RGS6: variants seen among roughly 807,000 people sequenced by gnomAD.
RGS6 encodes the protein regulator of G protein signaling 6.
Under a neutral mutation model 78.5 loss-of-function variants are expected in RGS6, and 30 were observed. The ratio of observed to expected loss-of-function variants is 0.38; its 90% CI spans 0.29 to 0.52. The LOEUF is 0.52. RGS6 is among the 20% of genes least tolerant of loss of function. RGS6 has a pLI of 0.85. For missense variants in RGS6, 495 were observed against 609.7 expected, an observed-to-expected ratio of 0.81 and a Z score of 1.98; for synonymous variants, 206 against 206.0, an observed-to-expected ratio of 1.00 and a Z score of 0.00.
At chr14:72,252,721 T>TG (rs1456380288) in intron 2 of RGS6, among the ~76,000 whole-genome samples, 1 of 152,116 alleles carries the variant, frequency 6.6e-6, no homozygotes, top group Non-Finnish European at 1.5e-5. Flanking sequence ...ATAGTCATGA[T>TG]GGGGGGAGGG....
intron 4 of RGS6, among the ~76,000 whole-genome samples, chr14:72,457,972 T>C (rs1404370931): frequency 6.6e-6 from 1 of 152,222 alleles, no homozygotes; most frequent in African/African-American, 2.4e-5. Context: ...ATACAGGTTC[T>C]TCTATGCCAG....
chr14:71,908,346 G>A, the RGS6 span: 8 of 152,240 alleles, frequency 5.3e-5, no homozygotes, highest in African/African-American at 1.7e-4. Context: ...TCAGAATGCC[G>A]TCTAGCGAGA....
intron 14 of RGS6, among the ~76,000 whole-genome samples, chr14:72,515,246 C>T (rs758976120): frequency 6.6e-6 from 1 of 151,698 alleles, no homozygotes; most frequent in Non-Finnish European, 1.5e-5. Flanking sequence ...CCCCTCCTTC[C>T]CTCCCTTTCT....
chr14:72,411,019 T>C (rs2153052878), intron 3 of RGS6, among the ~76,000 whole-genome samples: 1 of 152,344 alleles, frequency 6.6e-6, no homozygotes, highest in African/African-American at 2.4e-5. Flanking sequence ...TCCAGCTTTG[T>C]TCTTTTGGCT....
the RGS6 span, among the ~76,000 whole-genome samples, chr14:71,923,394 A>G: frequency 6.6e-6 from 1 of 152,154 alleles, no homozygotes; most frequent in Non-Finnish European, 1.5e-5. Flanking sequence ...CAGAAGTATG[A>G]TAGTTATCAA....
At chr14:72,031,231 G>A (rs1220775592) in intron 2 of RGS6, among the ~76,000 whole-genome samples, 1 of 151,990 alleles carries the variant, frequency 6.6e-6, no homozygotes, top group Non-Finnish European at 1.5e-5. Flanking sequence ...TTAAGGAATG[G>A]TATTTTACCC....
At chr14:72,396,141 T>C (rs1200647627) in intron 3 of RGS6, among the ~76,000 whole-genome samples, 2 of 152,212 alleles carry the variant, frequency 1.3e-5, no homozygotes, top group Non-Finnish European at 2.9e-5. Context: ...TAGTTTACAG[T>C]CCCACCAACA....
At chr14:71,868,648 T>C in the RGS6 span, among the ~76,000 whole-genome samples, 1 of 152,214 alleles carries the variant, frequency 6.6e-6, no homozygotes, top group Non-Finnish European at 1.5e-5. Flanking sequence ...TAAATACCTT[T>C]AGTGAACCAC....
chr14:72,271,442 C>T (rs757719573), intron 2 of RGS6, among the ~76,000 whole-genome samples: 29 of 152,188 alleles, frequency 1.9e-4, no homozygotes, highest in African/African-American at 5.3e-4. Context: ...AGTCCCTCCA[C>T]GACACATGGG....
intron 3 of RGS6, among the ~76,000 whole-genome samples, chr14:72,363,165 T>G (rs1242027505): frequency 6.6e-6 from 1 of 152,180 alleles, no homozygotes; most frequent in Non-Finnish European, 1.5e-5. Flanking sequence ...GTGGGGCTGC[T>G]TTTATCTCAA....
chr14:71,933,628 T>G (rs1183369626), intron 1 of RGS6, among the ~76,000 whole-genome samples: 1 of 152,222 alleles, frequency 6.6e-6, no homozygotes, highest in Non-Finnish European at 1.5e-5. Context: ...CTGCTGTATT[T>G]CATTTTTGTT....
chr14:72,364,905 G>A (rs928005378), intron 3 of RGS6, among the ~76,000 whole-genome samples: 4 of 152,220 alleles, frequency 2.6e-5, no homozygotes, highest in Non-Finnish European at 5.9e-5. Context: ...CTGGGAAGCT[G>A]CTTGTCACCA....
At chr14:72,361,850 T>C (rs2152794412) in intron 3 of RGS6, among the ~76,000 whole-genome samples, 1 of 151,888 alleles carries the variant, frequency 6.6e-6, no homozygotes, top group South Asian at 2.1e-4. Context: ...AGGGAGGGGA[T>C]GAAGGTGATC....
intron 2 of RGS6, among the ~76,000 whole-genome samples, chr14:72,193,675 T>A (rs1317495774): frequency 2.0e-5 from 3 of 152,186 alleles, no homozygotes; most frequent in African/African-American, 7.2e-5. Flanking sequence ...AGTTTGGTGA[T>A]GGTGGAAGGT....
chr14:72,120,239 A>G (rs1307675352), intron 2 of RGS6, among the ~76,000 whole-genome samples: 1 of 152,250 alleles, frequency 6.6e-6, no homozygotes, highest in Non-Finnish European at 1.5e-5. Context: ...AAGGAGCACT[A>G]GAGATTATCT....
intron 3 of RGS6, among the ~76,000 whole-genome samples, chr14:72,426,320 A>G (rs934908838): frequency 6.6e-6 from 1 of 152,208 alleles, no homozygotes; most frequent in Non-Finnish European, 1.5e-5. Context: ...AAAGAGTAAG[A>G]CTGGCCACAA....
At chr14:72,620,998 A>T in the RGS6 span, among the ~76,000 whole-genome samples, 1 of 152,126 alleles carries the variant, frequency 6.6e-6, no homozygotes, top group Non-Finnish European at 1.5e-5. Context: ...AAAATTAGCC[A>T]GGCATGGTGG....
At chr14:72,399,589 A>G (rs2092072330) in intron 3 of RGS6, among the ~76,000 whole-genome samples, 1 of 152,068 alleles carries the variant, frequency 6.6e-6, no homozygotes, top group Non-Finnish European at 1.5e-5. Context: ...TTAGCTGGTT[A>G]TTTTGCTCGT....
chr14:71,997,997 A>G (rs1414028355), intron 2 of RGS6, among the ~76,000 whole-genome samples: 2 of 152,194 alleles, frequency 1.3e-5, no homozygotes, highest in African/African-American at 4.8e-5. Context: ...ATGTGCACCC[A>G]TGACACAGCC....
Sources: allele counts gnomAD v4.1 joint callset (sites outside exome capture counted in the v4.1 genomes callset), GRCh38; gene constraint gnomAD v4.1.1; transcripts MANE v1.5; gene names NCBI Gene and HGNC (gene_info 2026-07-23, HGNC 2026-07-21).